Variants in INSYN2B observed in about 807,000 individuals in gnomAD.
INSYN2B encodes inhibitory synaptic factor family member 2B.
Under a neutral mutation model 41.2 loss-of-function variants are expected in INSYN2B, and 16 were observed. The observed-to-expected ratio is 0.39, with a 90% CI of 0.26 to 0.59. The LOEUF is 0.59. INSYN2B is among the 20% of genes least tolerant of loss of function. The probability of loss-of-function intolerance (pLI) is 0.57; values close to 1 mark genes in which losing one functional copy is unlikely to be tolerated. For synonymous variants in INSYN2B, 245 were observed against 244.4 expected (o/e 1.00, Z -0.02); for missense variants, 608 against 646.4 (o/e 0.94, Z 0.64).
At chr5:169,870,434 G>A (rs1235624212) in intron 3 of INSYN2B, among the ~76,000 whole-genome samples, 1 of 152,128 alleles carries the variant, frequency 6.6e-6, no homozygotes, top group African/African-American at 2.4e-5. Flanking sequence ...GCGAGGTTCT[G>A]GATGCAGGAT....
intron 1 of INSYN2B, among the ~76,000 whole-genome samples, chr5:169,915,281 G>A (rs194224): frequency 0.43 from 65,270 of 152,028 alleles, 15,562 homozygotes; most frequent in African/African-American, 0.65. Flanking sequence ...ATTATTACCA[G>A]TTTTAAAGTT....
At chr5:169,889,716 T>A (rs1773176331) in intron 1 of INSYN2B, among the ~76,000 whole-genome samples, 1 of 152,260 alleles carries the variant, frequency 6.6e-6, no homozygotes, top group African/African-American at 2.4e-5. Flanking sequence ...TCTGCCATTG[T>A]GGCAAGAAAT....
At chr5:169,930,692 T>G (rs1289147403) in intron 1 of INSYN2B, among the ~76,000 whole-genome samples, 1 of 152,230 alleles carries the variant, frequency 6.6e-6, no homozygotes, top group Non-Finnish European at 1.5e-5. Context: ...GAATTATTAA[T>G]TTCAAGAAGG....
chr5:169,866,020 G>A (rs1249564865), intron 3 of INSYN2B, among the ~76,000 whole-genome samples: 2 of 152,122 alleles, frequency 1.3e-5, no homozygotes, highest in Admixed American at 1.3e-4. Flanking sequence ...AGGCAGGGCT[G>A]AAGAGTCAGA....
intron 3 of INSYN2B, chr5:169,875,244 G>A (rs767376119): frequency 2.4e-5 from 11 of 456,514 alleles, no homozygotes; most frequent in African/African-American, 1.0e-4. Flanking sequence ...CTGCAACTGC[G>A]GATTCCCATC....
intron 3 of INSYN2B, among the ~76,000 whole-genome samples, chr5:169,874,497 G>A (rs771900258): frequency 1.3e-4 from 19 of 151,448 alleles, no homozygotes; most frequent in African/African-American, 4.4e-4. Flanking sequence ...CAGATTCTGC[G>A]TGGCATTTAG....
chr5:169,950,023 G>C (rs986720759), intron 1 of INSYN2B, among the ~76,000 whole-genome samples: 19 of 152,282 alleles, frequency 1.2e-4, no homozygotes, highest in African/African-American at 4.6e-4. Context: ...CGTTTGAGGG[G>C]ATCACAGATG....
chr5:169,926,343 A>G (rs553276837), intron 1 of INSYN2B, among the ~76,000 whole-genome samples: 2 of 152,314 alleles, frequency 1.3e-5, no homozygotes, highest in African/African-American at 4.8e-5. Context: ...CTTTTGATGA[A>G]TGTCTGAAAA....
At chr5:169,960,327 T>C (rs971471850) in intron 1 of INSYN2B, among the ~76,000 whole-genome samples, 3 of 152,216 alleles carry the variant, frequency 2.0e-5, no homozygotes, top group African/African-American at 7.2e-5. Context: ...CCTTGGGTAT[T>C]TACATCTGCT....
At chr5:169,947,923 C>T (rs1236015138) in intron 1 of INSYN2B, among the ~76,000 whole-genome samples, 2 of 152,186 alleles carry the variant, frequency 1.3e-5, no homozygotes, top group Admixed American at 1.3e-4. Flanking sequence ...TCACACCGTG[C>T]AGTGCCGCTG....
intron 1 of INSYN2B, among the ~76,000 whole-genome samples, chr5:169,926,021 G>T (rs985576037): frequency 6.6e-6 from 1 of 152,178 alleles, no homozygotes; most frequent in African/African-American, 2.4e-5. Flanking sequence ...ATGGCAGGAT[G>T]TCGTCAGCTC....
At chr5:169,974,620 C>T (rs1405804432) in intron 1 of INSYN2B, among the ~76,000 whole-genome samples, 1 of 152,046 alleles carries the variant, frequency 6.6e-6, no homozygotes, top group Non-Finnish European at 1.5e-5. Context: ...GGGAGCGGAG[C>T]TGCTTAGGAT....
rs74444597 is a variant in INSYN2B, at chr5:169,943,488, C to T, written c.-919+36789G>A. Reference sequence around the variant, plus strand: ...TTTTCACATAAAAAGATTTTAGGGCCTCTCTTGAGAAAACAGAAGGTCCCA... The same window carrying T: ...TTTTCACATAAAAAGATTTTAGGGCTTCTCTTGAGAAAACAGAAGGTCCCA... On this transcript the variant is annotated intron_variant, in intron 1 of 3. Transcript: ENST00000377365. 9.6e-3 allele frequency among the ~76,000 whole-genome samples: 1,461 copies of T among 152,302 alleles called. 73 individuals are homozygous for T. The East Asian group carries it at 0.13, about 14-fold the overall frequency.
At chr5:169,953,143 G>A (rs367835805) in intron 1 of INSYN2B, among the ~76,000 whole-genome samples, 4 of 152,120 alleles carry the variant, frequency 2.6e-5, no homozygotes, top group Admixed American at 1.3e-4. Context: ...CCAACATGGC[G>A]AAACCCTGTC....
At chr5:169,868,798 A>G (rs944769431) in intron 3 of INSYN2B, among the ~76,000 whole-genome samples, 5 of 152,140 alleles carry the variant, frequency 3.3e-5, no homozygotes, top group African/African-American at 1.2e-4. Flanking sequence ...ATGATTCTAG[A>G]ATGTGTATGG....
At chr5:169,881,539 A>G in intron 2 of INSYN2B, 97 bp from the exon 3 acceptor site, 2 of 888,190 alleles carry the variant, frequency 2.3e-6, no homozygotes, top group Middle Eastern at 3.0e-4. Context: ...ATAGCACAGC[A>G]TTCACGGTGC....
At chr5:169,926,161 G>C (rs552062729) in intron 1 of INSYN2B, among the ~76,000 whole-genome samples, 1 of 152,268 alleles carries the variant, frequency 6.6e-6, no homozygotes, top group East Asian at 1.9e-4. Flanking sequence ...CCAGGAGTAG[G>C]AGTTCCTATA....
intron 1 of INSYN2B, among the ~76,000 whole-genome samples, chr5:169,971,202 A>C (rs6860314): frequency 0.026 from 3,996 of 151,842 alleles, 174 homozygotes; most frequent in African/African-American, 0.091. Context: ...AAAAAAAATG[A>C]GTATGACATC....
chr5:169,862,910 A>G lies in INSYN2B; in HGVS notation c.*1363T>C, dbSNP rs1298315869. Among the ~76,000 whole-genome samples the G allele has an allele frequency of 6.6e-6, 1 of 152,198 alleles. No homozygotes were observed. Among genetic ancestry groups the G allele is most frequent in the Non-Finnish European group, 1.5e-5 (1 of 68,038 alleles). ...TGGATCTTCAGCCAAGGGAATTACA[A>G]AATACCTTCTTCGTTTAATGTATGT... is the stretch of plus-strand genomic sequence containing the variant. On this transcript the variant is annotated 3_prime_UTR_variant, in exon 4 of 4. Coordinates refer to ENST00000377365, the MANE Select transcript of INSYN2B (RefSeq NM_001129891.3).
Sources: allele counts gnomAD v4.1 joint callset (sites outside exome capture counted in the v4.1 genomes callset), GRCh38; gene constraint gnomAD v4.1.1; transcripts MANE v1.5; gene names NCBI Gene and HGNC (gene_info 2026-07-23, HGNC 2026-07-21).